Variants in CFAP299 observed in about 807,000 individuals in gnomAD.
CFAP299 encodes cilia and flagella associated protein 299.
In CFAP299, 21 loss-of-function variants were observed where a neutral mutation model predicts 27.0. That is an observed-to-expected ratio of 0.78 (90% confidence interval 0.55 to 1.12). CFAP299 has a LOEUF of 1.12. Ranked by LOEUF, CFAP299 falls within the 50% of genes most tolerant of loss-of-function variation. The pLI is 0.00. For synonymous variants in CFAP299, 104 were observed against 98.1 expected (o/e 1.06, Z -0.36); for missense variants, 310 against 276.6 (o/e 1.12, Z -0.86).
intron 4 of CFAP299, among the ~76,000 whole-genome samples, chr4:80,892,306 T>C (rs1272396517): frequency 5.3e-5 from 8 of 151,948 alleles, no homozygotes. Context: ...GATATCCATA[T>C]CCAAAAAAGA....
rs1360325337 is a variant in CFAP299 at position 80,800,130 on chromosome 4, ATATAT to A, written c.334-69857_334-69853del. On this transcript the variant is annotated intron_variant, in intron 3 of 5. Transcript: ENST00000358105. ...TATTATATATAAGATATTAATATAA[ATATAT>A]TATATAAATATATTTATATAATATA... Among the ~76,000 whole-genome samples, 6 of 73,010 alleles carry A rather than the reference ATATAT, an allele frequency of 8.2e-5. No homozygotes were observed. The East Asian group carries it at 2.3e-3, about 28-fold the overall frequency. The allele number at this position is 73,010 out of a possible 152,430, so 47.9% of individuals were successfully genotyped here.
intron 1 of CFAP299, among the ~76,000 whole-genome samples, chr4:80,359,300 G>C (rs897850643): frequency 3.6e-4 from 55 of 152,138 alleles, no homozygotes; most frequent in Non-Finnish European, 6.9e-4. Context: ...ATGTATCTTG[G>C]AGATGATCTT....
intron 4 of CFAP299, among the ~76,000 whole-genome samples, chr4:80,903,324 A>C (rs1268627848): frequency 6.6e-6 from 1 of 152,148 alleles, no homozygotes; most frequent in African/African-American, 2.4e-5. Flanking sequence ...AAATTGGGGA[A>C]GGATAAAGGG....
intron 2 of CFAP299, chr4:80,386,319 G>A (rs1054352270): frequency 1.5e-6 from 2 of 1,332,570 alleles, no homozygotes; most frequent in African/African-American, 1.4e-5. Flanking sequence ...TGTGCCCACC[G>A]CACCACCCAC....
At chr4:80,519,978 G>A (rs188697541) in intron 2 of CFAP299, among the ~76,000 whole-genome samples, 62 of 152,286 alleles carry the variant, frequency 4.1e-4, no homozygotes, top group African/African-American at 1.5e-3. Context: ...GTGAAGGTCA[G>A]GATGGGCTAG....
At chr4:80,640,978 C>G (rs531539630) in intron 3 of CFAP299, among the ~76,000 whole-genome samples, 2 of 152,172 alleles carry the variant, frequency 1.3e-5, no homozygotes, top group South Asian at 4.2e-4. Flanking sequence ...GTAATTGTGT[C>G]ACTATAGATA....
At chr4:80,489,533 T>C (rs1560590597) in intron 2 of CFAP299, among the ~76,000 whole-genome samples, 1 of 152,210 alleles carries the variant, frequency 6.6e-6, no homozygotes, top group African/African-American at 2.4e-5. Context: ...CTATCTGGGC[T>C]ACATCAAAGA....
intron 1 of CFAP299, among the ~76,000 whole-genome samples, chr4:80,359,902 C>A (rs878890163): frequency 6.6e-6 from 1 of 152,192 alleles, no homozygotes; most frequent in Admixed American, 6.5e-5. Context: ...GGCACTCTGG[C>A]TTTTTAAGTT....
chr4:80,726,917 T>G (rs1176644471), intron 3 of CFAP299, among the ~76,000 whole-genome samples: 2 of 152,162 alleles, frequency 1.3e-5, no homozygotes, highest in South Asian at 4.1e-4. Context: ...AGGAATACTT[T>G]CCATGATTAA....
intron 2 of CFAP299, among the ~76,000 whole-genome samples, chr4:80,499,705 G>A (rs929580969): frequency 4.6e-5 from 7 of 151,882 alleles, no homozygotes; most frequent in Admixed American, 6.6e-5. Flanking sequence ...GGGTGGGTGC[G>A]TGCACATGGA....
rs1251564527 is a variant in CFAP299 at position 80,963,455 on chromosome 4, A to AT, written c.607-62_607-61insT. 8.8e-5 allele frequency: 91 copies of AT among 1,030,594 alleles called. No homozygotes were observed. The Admixed American group carries it at 1.8e-3, about 21-fold the overall frequency. The allele number at this position is 1,030,594 out of a possible 1,614,324, so 63.8% of individuals were successfully genotyped here. On this transcript the variant is annotated intron_variant, in intron 5 of 5. Transcript: ENST00000358105. The stretch of plus-strand genomic sequence containing the variant: ...ATATAAAGCAAAAAAATAAAAAAAA[A>AT]ATTTTAAAAAAGGCCAAGTATTTTT...
chr4:80,777,578 C>T (rs1183002193), intron 3 of CFAP299, among the ~76,000 whole-genome samples: 1 of 152,124 alleles, frequency 6.6e-6, no homozygotes, highest in Non-Finnish European at 1.5e-5. Context: ...CTTACTTCTA[C>T]GCTCTTGGAC....
At chr4:80,446,773 T>C (rs1048600875) in intron 2 of CFAP299, among the ~76,000 whole-genome samples, 2 of 152,200 alleles carry the variant, frequency 1.3e-5, no homozygotes, top group Admixed American at 6.5e-5. Flanking sequence ...TCACTCAAGA[T>C]AGAAATTTGA....
chr4:80,849,761 T>C (rs915806947), intron 3 of CFAP299, among the ~76,000 whole-genome samples: 2 of 152,194 alleles, frequency 1.3e-5, no homozygotes, highest in Admixed American at 6.5e-5. Context: ...TCAGCAGATA[T>C]AAAGTTGCAA....
intron 3 of CFAP299, among the ~76,000 whole-genome samples, chr4:80,735,180 C>G (rs1723780166): frequency 1.3e-5 from 2 of 151,888 alleles, no homozygotes. Flanking sequence ...TTGGTTAATT[C>G]CTAAGTATTT....
chr4:80,571,361 A>G (rs1174326485), intron 2 of CFAP299, among the ~76,000 whole-genome samples: 1 of 151,666 alleles, frequency 6.6e-6, no homozygotes, highest in African/African-American at 2.4e-5. Context: ...AATTATTTCC[A>G]CTTTGCTAAA....
intron 3 of CFAP299, among the ~76,000 whole-genome samples, chr4:80,679,554 C>T (rs1055020025): frequency 1.3e-5 from 2 of 151,868 alleles, no homozygotes; most frequent in South Asian, 2.1e-4. Flanking sequence ...GTATTAGATA[C>T]AGTTAGTCCA....
intron 3 of CFAP299, among the ~76,000 whole-genome samples, chr4:80,817,367 T>C (rs1363220609): frequency 6.6e-6 from 1 of 152,088 alleles, no homozygotes; most frequent in Non-Finnish European, 1.5e-5. Flanking sequence ...TTATGTTGTA[T>C]TAATATTAAC....
chr4:80,920,830 G>T (rs1176503150), intron 4 of CFAP299, among the ~76,000 whole-genome samples: 4 of 151,964 alleles, frequency 2.6e-5, no homozygotes, highest in Non-Finnish European at 5.9e-5. Flanking sequence ...TTTTATTCTG[G>T]ACTATGTCTT....
Sources: allele counts gnomAD v4.1 joint callset (sites outside exome capture counted in the v4.1 genomes callset), GRCh38; gene constraint gnomAD v4.1.1; transcripts MANE v1.5; gene names NCBI Gene and HGNC (gene_info 2026-07-23, HGNC 2026-07-21).